RAI14: variants seen among roughly 807,000 people sequenced by gnomAD.
RAI14 encodes the protein retinoic acid induced 14.
Under a neutral mutation model 115.4 loss-of-function variants are expected in RAI14, and 45 were observed. The ratio of observed to expected loss-of-function variants is 0.39; its 90% confidence interval spans 0.31 to 0.50. The LOEUF (loss-of-function observed/expected upper bound fraction) is 0.50, where lower values mean the gene tolerates loss of function less well. Ranked by LOEUF, RAI14 falls within the 20% of genes least tolerant of loss-of-function variation. The pLI is 0.85. For synonymous variants in RAI14, 371 were observed against 415.4 expected (o/e 0.89, Z 1.30); for missense variants, 939 against 1,131.2 (o/e 0.83, Z 2.44).
chr5:34,762,001 A>G (rs1381225866), intron 3 of RAI14, among the ~76,000 whole-genome samples: 1 of 152,188 alleles, frequency 6.6e-6, no homozygotes, highest in Non-Finnish European at 1.5e-5. Context: ...TTGTTTTCTG[A>G]AAGACTTGAA....
At chr5:34,779,632 G>T (rs546237429) in intron 3 of RAI14, among the ~76,000 whole-genome samples, 3 of 152,110 alleles carry the variant, frequency 2.0e-5, no homozygotes, top group Admixed American at 6.5e-5. Context: ...GCTTCAAAGA[G>T]AATAAAATAC....
At chr5:34,693,614 A>G (rs1738893837) in intron 2 of RAI14, among the ~76,000 whole-genome samples, 1 of 152,222 alleles carries the variant, frequency 6.6e-6, no homozygotes, top group African/African-American at 2.4e-5. Context: ...GAAGAAATGA[A>G]TGTTGAGGAC....
chr5:34,677,228 G>A (rs989118082), intron 1 of RAI14, among the ~76,000 whole-genome samples: 1 of 149,028 alleles, frequency 6.7e-6, no homozygotes, highest in South Asian at 2.1e-4. Context: ...GCAGTGGCAC[G>A]ATCTCAGCTC....
chr5:34,716,101 C>T (rs1266893492), intron 2 of RAI14: 12 of 442,250 alleles, frequency 2.7e-5, no homozygotes, highest in Admixed American at 2.1e-4. Context: ...TGCCTGATAA[C>T]ATACATCTGC....
At chr5:34,752,703 ATG>A (rs71600953) in intron 2 of RAI14, among the ~76,000 whole-genome samples, 2,082 of 82,944 alleles carry the variant, frequency 0.025, 67 homozygotes, top group East Asian at 0.12. Flanking sequence ...TCTTACATAT[ATG>A]TGTGTGTGTG....
At chr5:34,694,524 G>A (rs1003241696) in intron 2 of RAI14, among the ~76,000 whole-genome samples, 1 of 152,148 alleles carries the variant, frequency 6.6e-6, no homozygotes. Flanking sequence ...GTGTGTCCTG[G>A]TCAACTTGAT....
chr5:34,725,962 C>CAAAAAAAAAAAAAAA lies in RAI14; in HGVS notation c.37-31504_37-31490dup, dbSNP rs199657623. Among the ~76,000 whole-genome samples, 6 of 113,742 alleles carry CAAAAAAAAAAAAAAA rather than the reference C, an allele frequency of 5.3e-5. 2 individuals carry two copies. Among genetic ancestry groups the CAAAAAAAAAAAAAAA allele is most frequent in the Non-Finnish European group, 7.5e-5 (4 of 53,288 alleles). The allele number at this position is 113,742 out of a possible 152,430, so 74.6% of individuals were successfully genotyped here. On this transcript the variant is annotated intron_variant, in intron 2 of 17. Transcript: ENST00000265109. ...GGGCAACAGGAGCGAAACTGCTTCT[C>CAAAAAAAAAAAAAAA]AAAAAAAAAAAAAAAAGCCACAAAT...
chr5:34,657,463 G>T (rs1299953126), intron 1 of RAI14, among the ~76,000 whole-genome samples: 1 of 152,212 alleles, frequency 6.6e-6, no homozygotes, highest in Non-Finnish European at 1.5e-5. Flanking sequence ...CCTCACGGGG[G>T]CCTGAGCATG....
intron 1 of RAI14, among the ~76,000 whole-genome samples, chr5:34,664,885 A>C (rs1350812888): frequency 1.3e-5 from 2 of 149,620 alleles, no homozygotes; most frequent in Non-Finnish European, 3.0e-5. Context: ...TTGGCTTTCC[A>C]TTCCTGAGTT....
At chr5:34,764,126 C>T (rs1749038257) in intron 3 of RAI14, among the ~76,000 whole-genome samples, 1 of 152,196 alleles carries the variant, frequency 6.6e-6, no homozygotes, top group Non-Finnish European at 1.5e-5. Flanking sequence ...GCTGGGATTA[C>T]AGGCGTGAGC....
intron 3 of RAI14, among the ~76,000 whole-genome samples, chr5:34,766,659 G>T (rs1377769014): frequency 6.6e-6 from 1 of 152,156 alleles, no homozygotes; most frequent in African/African-American, 2.4e-5. Flanking sequence ...ACTTTGGACT[G>T]TGGACTTTTG....
chr5:34,795,862 G>C (rs12521393), intron 3 of RAI14, 77 bp from the exon 4 acceptor site: 1 of 1,168,294 alleles, frequency 8.6e-7, no homozygotes, highest in South Asian at 1.3e-5. Context: ...ATGGCGGGGG[G>C]CGGGGGGGAA....
At chr5:34,759,291 C>T (rs162911) in intron 3 of RAI14, among the ~76,000 whole-genome samples, 76,859 of 151,758 alleles carry the variant, frequency 0.51, 20,380 homozygotes, top group African/African-American at 0.67. Context: ...TTGAGTGCTA[C>T]TCTAGGGGAC....
chr5:34,726,275 A>G (rs771583738), intron 2 of RAI14, among the ~76,000 whole-genome samples: 9 of 152,172 alleles, frequency 5.9e-5, no homozygotes, highest in Non-Finnish European at 8.8e-5. Context: ...TAAAGAAAAG[A>G]GGTTTAATTG....
At chr5:34,774,991 A>G (rs1013694413) in intron 3 of RAI14, among the ~76,000 whole-genome samples, 3 of 152,172 alleles carry the variant, frequency 2.0e-5, no homozygotes, top group Non-Finnish European at 2.9e-5. Flanking sequence ...CATTTTTGAC[A>G]AAGGTGCCAA....
At chr5:34,681,521 G>T (rs1315550897) in intron 1 of RAI14, among the ~76,000 whole-genome samples, 1 of 152,006 alleles carries the variant, frequency 6.6e-6, no homozygotes, top group African/African-American at 2.4e-5. Context: ...TCGAGATAGA[G>T]TCTCACTCTT....
chr5:34,819,546 T>C (rs751985972), intron 13 of RAI14, among the ~76,000 whole-genome samples: 2 of 152,224 alleles, frequency 1.3e-5, no homozygotes, highest in Non-Finnish European at 2.9e-5. Flanking sequence ...ATTGTCTTTA[T>C]GATCATAGGG....
intron 2 of RAI14, among the ~76,000 whole-genome samples, chr5:34,731,542 C>T (rs1744178261): frequency 6.6e-6 from 1 of 152,132 alleles, no homozygotes; most frequent in Non-Finnish European, 1.5e-5. Context: ...CATTTTCCAG[C>T]CTGGATATGT....
At chr5:34,684,015 C>A (rs935151773) in intron 1 of RAI14, among the ~76,000 whole-genome samples, 4 of 152,238 alleles carry the variant, frequency 2.6e-5, no homozygotes, top group African/African-American at 9.6e-5. Context: ...GCGTGAGCCA[C>A]CGTGCCCGGC....
Sources: allele counts gnomAD v4.1 joint callset (sites outside exome capture counted in the v4.1 genomes callset), GRCh38; gene constraint gnomAD v4.1.1; transcripts MANE v1.5; gene names NCBI Gene and HGNC (gene_info 2026-07-23, HGNC 2026-07-21).